Variants in PELI2 observed in about 807,000 individuals in gnomAD.
PELI2 encodes E3 ubiquitin-protein ligase pellino homolog 2.
Under a neutral mutation model 42.3 loss-of-function variants are expected in PELI2, and 23 were observed. The ratio of observed to expected loss-of-function variants is 0.54; its 90% CI spans 0.39 to 0.77. PELI2 has a LOEUF of 0.77. Ranked by LOEUF, PELI2 falls within the 30% of genes least tolerant of loss-of-function variation. The pLI, the probability that PELI2 is intolerant of heterozygous loss-of-function variation, is 0.00. For synonymous variants in PELI2, 245 were observed against 212.2 expected, an observed-to-expected ratio of 1.15 and a Z score of -1.34; for missense variants, 463 against 553.2, an observed-to-expected ratio of 0.84 and a Z score of 1.64.
intron 2 of PELI2, among the ~76,000 whole-genome samples, chr14:56,201,745 A>G (rs922604782): frequency 6.6e-6 from 1 of 152,212 alleles, no homozygotes; most frequent in African/African-American, 2.4e-5. Context: ...TGCTTAACCA[A>G]TAATTCAGCA....
chr14:56,216,650 A>T (rs1171460844), intron 2 of PELI2, among the ~76,000 whole-genome samples: 1 of 152,258 alleles, frequency 6.6e-6, no homozygotes, highest in African/African-American at 2.4e-5. Flanking sequence ...TTATAAACTG[A>T]TGGCAATGGC....
chr14:56,125,708 T>G (rs1354852908), intron 1 of PELI2, among the ~76,000 whole-genome samples: 1 of 152,166 alleles, frequency 6.6e-6, no homozygotes. Context: ...TAAGTATCCC[T>G]GGACAAAAAC....
intron 2 of PELI2, 25 bp downstream of exon 2, chr14:56,178,489 G>C: frequency 6.2e-7 from 1 of 1,613,628 alleles, no homozygotes; most frequent in Non-Finnish European, 8.5e-7. Context: ...CAAGAGTTGG[G>C]AGGGTGCTGG....
chr14:56,147,698 T>C (rs1402432237), intron 1 of PELI2, among the ~76,000 whole-genome samples: 1 of 152,266 alleles, frequency 6.6e-6, no homozygotes, highest in African/African-American at 2.4e-5. Context: ...AACATCGTTA[T>C]AATTCTCTGT....
chr14:56,196,464 A>T (rs1386175358), intron 2 of PELI2, among the ~76,000 whole-genome samples: 2 of 152,190 alleles, frequency 1.3e-5, no homozygotes, highest in Non-Finnish European at 2.9e-5. Flanking sequence ...GAAAATGTGT[A>T]ATCCTCTGCT....
In PELI2 at chr14:56,300,677, A is replaced by G. The variant is rs1890146824; in HGVS notation, c.*3511A>G. The G allele has an allele frequency of 6.6e-6, 1 of 152,186 alleles. No homozygotes were observed. The highest frequency in any genetic ancestry group is 2.4e-5 in the African/African-American group (1 of 41,438). The allele number at this position is 152,186 out of a possible 1,614,324, so 9.4% of individuals were successfully genotyped here. On this transcript the variant is annotated 3_prime_UTR_variant, in exon 6 of 6. Transcript: ENST00000267460. ...CCATTGTTAATGCTGGGTAAAAACT[A>G]TCTTCTTGCAGCCTTGCCTCATAAC...
At chr14:56,211,940 A>T (rs1473568271) in intron 2 of PELI2, among the ~76,000 whole-genome samples, 1 of 152,152 alleles carries the variant, frequency 6.6e-6, no homozygotes, top group Non-Finnish European at 1.5e-5. Context: ...TGTGATTTTG[A>T]GGACCATTGA....
chr14:56,147,163 A>G (rs554676896), intron 1 of PELI2, among the ~76,000 whole-genome samples: 36 of 152,218 alleles, frequency 2.4e-4, no homozygotes, highest in Non-Finnish European at 4.4e-4. Flanking sequence ...ATTCCATTGT[A>G]TATCAATGGC....
chr14:56,270,802 T>C (rs1030007428), intron 2 of PELI2, among the ~76,000 whole-genome samples: 5 of 152,180 alleles, frequency 3.3e-5, no homozygotes, highest in Non-Finnish European at 7.3e-5. Context: ...TCAGAGAGGT[T>C]ATGGTTGGTG....
Position 56,185,540 on chromosome 14 carries a change from A to G in PELI2, c.207+7076A>G, listed in dbSNP as rs149126642. 1.4e-3 allele frequency among the ~76,000 whole-genome samples: 210 copies of G among 152,328 alleles called. 3 individuals are homozygous for G. The East Asian group carries it at 0.034, about 25-fold the overall frequency. On this transcript the variant is annotated intron_variant, in intron 2 of 5. Transcript: ENST00000267460. Reference sequence around the variant, plus strand: ...TACCTACTTATCATCATTTCATTATACAGATTTGTGTAAGAGTGTTTAAAG... The same window carrying G: ...TACCTACTTATCATCATTTCATTATGCAGATTTGTGTAAGAGTGTTTAAAG...
intron 2 of PELI2, among the ~76,000 whole-genome samples, chr14:56,255,604 G>T (rs1005184089): frequency 1.3e-5 from 2 of 152,158 alleles, no homozygotes; most frequent in Admixed American, 6.5e-5. Flanking sequence ...TGCATGTTGT[G>T]CACATGTATC....
rs1354412464 is a variant in PELI2, at chr14:56,118,610, G to C, written c.-51G>C. 1.2e-5 allele frequency: 14 copies of C among 1,178,476 alleles called. No homozygotes were observed. The highest frequency in any genetic ancestry group is 1.7e-5 in the African/African-American group (1 of 58,396). The allele number at this position is 1,178,476 out of a possible 1,614,324, so 73.0% of individuals were successfully genotyped here. ...CGGCGGCGCGGACTCGGCGGGGATC[G>C]CGGCGGAGGCGGCGGCGTCGGCGGC... On this transcript the variant is annotated 5_prime_UTR_variant, in exon 1 of 6. Transcript: ENST00000267460.
intron 1 of PELI2, among the ~76,000 whole-genome samples, chr14:56,160,011 GTT>G (rs1041197999): frequency 2.2e-5 from 3 of 137,524 alleles, no homozygotes; most frequent in South Asian, 2.3e-4. Context: ...CAGTTTCTTT[GTT>G]TTTTTTTTTT....
At chr14:56,133,153 C>T (rs994445483) in intron 1 of PELI2, among the ~76,000 whole-genome samples, 6 of 152,132 alleles carry the variant, frequency 3.9e-5, no homozygotes, top group Non-Finnish European at 1.5e-5. Flanking sequence ...TATTTTCATA[C>T]ACCTCATTTT....
intron 2 of PELI2, among the ~76,000 whole-genome samples, chr14:56,182,811 A>G (rs542127677): frequency 2.8e-4 from 43 of 152,326 alleles, no homozygotes; most frequent in Non-Finnish European, 5.3e-4. Context: ...AACTAACAAT[A>G]TAATTTTCAA....
chr14:56,248,365 T>C (rs1888231248), intron 2 of PELI2, among the ~76,000 whole-genome samples: 1 of 151,814 alleles, frequency 6.6e-6, no homozygotes, highest in African/African-American at 2.4e-5. Context: ...ATACAGATCA[T>C]TATTCCTTTT....
chr14:56,282,244 C>T (rs1262028472), intron 3 of PELI2, among the ~76,000 whole-genome samples: 1 of 151,940 alleles, frequency 6.6e-6, no homozygotes, highest in Non-Finnish European at 1.5e-5. Flanking sequence ...CAAAGAAAAG[C>T]TGTATATATA....
At chr14:56,191,034 G>A (rs984076466) in intron 2 of PELI2, among the ~76,000 whole-genome samples, 1 of 152,206 alleles carries the variant, frequency 6.6e-6, no homozygotes, top group African/African-American at 2.4e-5. Flanking sequence ...ATTCTGAAAG[G>A]TGAGTGACAG....
chr14:56,292,775 G>C, intron 5 of PELI2: 1 of 978,282 alleles, frequency 1.0e-6, no homozygotes, highest in Non-Finnish European at 1.2e-6. Context: ...AAATATGGGG[G>C]AAATGTCTTT....
Sources: allele counts gnomAD v4.1 joint callset (sites outside exome capture counted in the v4.1 genomes callset), GRCh38; gene constraint gnomAD v4.1.1; transcripts MANE v1.5; gene names NCBI Gene and HGNC (gene_info 2026-07-23, HGNC 2026-07-21).